EEF2K: variants seen among roughly 807,000 people sequenced by gnomAD.
EEF2K encodes the protein eukaryotic elongation factor 2 kinase, also known as alternative protein EEF2K.
A neutral mutation model predicts 93.8 loss-of-function variants in EEF2K; 70 were observed. The ratio of observed to expected loss-of-function variants is 0.75; its 90% CI spans 0.62 to 0.91. EEF2K has a LOEUF of 0.91. EEF2K is among the 40% of genes least tolerant of loss of function. The pLI, the probability that EEF2K is intolerant of heterozygous loss-of-function variation, is 0.00. For synonymous variants in EEF2K, 376 were observed against 380.8 expected, an observed-to-expected ratio of 0.99 and a Z score of 0.15; for missense variants, 935 against 972.9, an observed-to-expected ratio of 0.96 and a Z score of 0.52.
intron 1 of EEF2K, among the ~76,000 whole-genome samples, chr16:22,215,697 G>C (rs1415952285): frequency 6.6e-6 from 1 of 152,084 alleles, no homozygotes; most frequent in Non-Finnish European, 1.5e-5. Flanking sequence ...GGCTGAGGCG[G>C]GTGGATCACT....
intron 16 of EEF2K, 108 bp downstream of exon 16, chr16:22,273,858 C>A: frequency 6.7e-7 from 1 of 1,496,648 alleles, no homozygotes; most frequent in African/African-American, 1.4e-5. Context: ...TGCCCCATGA[C>A]CAGTCCAGCA....
At chr16:22,223,172 C>T (rs1182496672) in intron 1 of EEF2K, among the ~76,000 whole-genome samples, 3 of 151,958 alleles carry the variant, frequency 2.0e-5, no homozygotes, top group East Asian at 1.9e-4. Context: ...AAGTTTCATC[C>T]ATATTGTAGT....
chr16:22,252,352 T>C (rs1401209855), intron 6 of EEF2K, among the ~76,000 whole-genome samples: 1 of 152,180 alleles, frequency 6.6e-6, no homozygotes, highest in Non-Finnish European at 1.5e-5. Flanking sequence ...TTGGCGTCAT[T>C]CTCAGGCAGC....
In EEF2K at chr16:22,226,325, C is replaced by CTTTT. The variant is rs935058417; in HGVS notation, c.246+372_246+375dup. On this transcript the variant is annotated intron_variant, in intron 2 of 17. Coordinates refer to ENST00000263026, the MANE Select transcript of EEF2K (RefSeq NM_013302.5). ...CAGGCTGGAGTGCAGAGGTGCTGTT[C>CTTTT]TTTTTTTTTTTTTTTTTTTTTTTTT... Among the ~76,000 whole-genome samples, 89 of 63,598 alleles carry CTTTT rather than the reference C, an allele frequency of 1.4e-3. 1 individual carries two copies. The highest frequency in any genetic ancestry group is 0.012 in the East Asian group (27 of 2,322). The allele number at this position is 63,598 out of a possible 152,430, so 41.7% of individuals were successfully genotyped here.
At chr16:22,281,924 T>G (rs563992966) in intron 17 of EEF2K, among the ~76,000 whole-genome samples, 58 of 152,328 alleles carry the variant, frequency 3.8e-4, no homozygotes, top group African/African-American at 1.3e-3. Flanking sequence ...TGTATTAGTC[T>G]TCTTGGGCTG....
At chr16:22,233,997 G>T (rs566800833) in intron 2 of EEF2K, among the ~76,000 whole-genome samples, 30 of 152,166 alleles carry the variant, frequency 2.0e-4, no homozygotes, top group Non-Finnish European at 3.8e-4. Flanking sequence ...TCCTTGTAGG[G>T]TATGTAGGTT....
intron 1 of EEF2K, among the ~76,000 whole-genome samples, chr16:22,213,091 G>A (rs2046930133): frequency 6.6e-6 from 1 of 151,724 alleles, no homozygotes; most frequent in African/African-American, 2.4e-5. Context: ...ATCAGCCTGG[G>A]TGACATGGTG....
Position 22,284,204 on chromosome 16 carries a change from C to T in EEF2K, c.*208C>T. ...GAGACTCTATAGCTGTCTCTTAGGG[C>T]AGTATTTTGGGGAAGTGGGGCTTGA... is the stretch of plus-strand genomic sequence containing the variant. On this transcript the variant is annotated 3_prime_UTR_variant, in exon 18 of 18. Transcript: ENST00000263026. 1.8e-6 allele frequency: 1 copy of T among 544,662 alleles called. No homozygotes were observed. Among genetic ancestry groups the T allele is most frequent in the Non-Finnish European group, 3.3e-6 (1 of 304,580 alleles). The allele number at this position is 544,662 out of a possible 1,614,324, so 33.7% of individuals were successfully genotyped here.
intron 3 of EEF2K, 92 bp downstream of exon 3, chr16:22,244,822 C>T: frequency 1.5e-6 from 2 of 1,330,314 alleles, no homozygotes; most frequent in Non-Finnish European, 1.1e-6. Context: ...TCTTGGGGGT[C>T]AGGGGAAGGG....
At chr16:22,240,544 C>G (rs1567271056) in intron 2 of EEF2K, among the ~76,000 whole-genome samples, 2 of 152,088 alleles carry the variant, frequency 1.3e-5, no homozygotes, top group Admixed American at 1.3e-4. Context: ...ACTGTTTGTA[C>G]TAGGAAATGT....
At chr16:22,222,477 G>C (rs1331166789) in intron 1 of EEF2K, among the ~76,000 whole-genome samples, 1 of 151,722 alleles carries the variant, frequency 6.6e-6, no homozygotes, top group Non-Finnish European at 1.5e-5. Context: ...CCAAAGTGCT[G>C]GGATTACAGA....
In EEF2K at chr16:22,229,569, G is replaced by A. The variant is rs562876112; in HGVS notation, c.246+3594G>A. Among the ~76,000 whole-genome samples, 6 of 152,188 alleles carry A rather than the reference G, an allele frequency of 3.9e-5. No individual in the cohort carries two copies. The South Asian group carries it at 6.2e-4, about 16-fold the overall frequency. ...ACACAAAAATTAGCCGGGCGTGTTGGTGCCACCTGTGGTCCCAGCTACTCG... is the reference window on the plus strand; with the variant it reads ...ACACAAAAATTAGCCGGGCGTGTTGATGCCACCTGTGGTCCCAGCTACTCG... On this transcript the variant is annotated intron_variant, in intron 2 of 17. Transcript: ENST00000263026.
intron 11 of EEF2K, among the ~76,000 whole-genome samples, chr16:22,262,793 C>G (rs534397369): frequency 6.6e-6 from 1 of 152,176 alleles, no homozygotes; most frequent in Non-Finnish European, 1.5e-5. Context: ...AAGGTCTCAG[C>G]TGGCAAGAAA....
chr16:22,211,918 C>T (rs374631904), intron 1 of EEF2K, among the ~76,000 whole-genome samples: 23 of 151,902 alleles, frequency 1.5e-4, no homozygotes, highest in African/African-American at 4.4e-4. Context: ...ACAAGACACA[C>T]GGCCCCTTTT....
chr16:22,258,420 G>A (rs946616863), intron 9 of EEF2K, 74 bp from the exon 10 acceptor site: 9 of 1,511,014 alleles, frequency 6.0e-6, no homozygotes, highest in Non-Finnish European at 7.3e-6. Context: ...CAGGGTTAGA[G>A]GGAACAACAG....
At position 22,284,054 on chromosome 16, in the gene EEF2K, AAACAAC is replaced by A. The variant is rs367584480; in HGVS notation, c.*68_*73del. ...AACGGGCTAGGAGGAAAGATTAAAA[AAACAAC>A]AACAACAACTTATTTAGTTTGGGGA... On this transcript the variant is annotated 3_prime_UTR_variant, in exon 18 of 18. Coordinates refer to ENST00000263026, the MANE Select transcript of EEF2K (RefSeq NM_013302.5). The A allele has an allele frequency of 7.2e-7, 1 of 1,396,760 alleles. No individual in the cohort carries two copies. Among genetic ancestry groups the A allele is most frequent in the Non-Finnish European group, 9.8e-7 (1 of 1,017,786 alleles). 86.5% of individuals were successfully genotyped at this position (1,396,760 alleles called of 1,614,324 possible).
intron 2 of EEF2K, among the ~76,000 whole-genome samples, chr16:22,232,302 C>T (rs2047123986): frequency 6.6e-6 from 1 of 152,184 alleles, no homozygotes; most frequent in African/African-American, 2.4e-5. Context: ...TCATAACTCA[C>T]TGCAGCCTCT....
chr16:22,232,182 C>G (rs920001900), intron 2 of EEF2K, among the ~76,000 whole-genome samples: 1 of 151,968 alleles, frequency 6.6e-6, no homozygotes, highest in Non-Finnish European at 1.5e-5. Context: ...ATGTCCTGGT[C>G]TATCAAAATT....
rs544854683 is a variant in EEF2K at position 22,227,922 on chromosome 16, C to T, written c.246+1947C>T. Among the ~76,000 whole-genome samples, 9 of 151,340 alleles carry T rather than the reference C, an allele frequency of 5.9e-5. No individual in the cohort carries two copies. The South Asian group carries it at 1.9e-3, about 32-fold the overall frequency. On this transcript the variant is annotated intron_variant, in intron 2 of 17. Coordinates refer to ENST00000263026, the MANE Select transcript of EEF2K (RefSeq NM_013302.5). ...GACCAGCCTGGTCAACATAGGAACA[C>T]CCCATCTTTATTAAAGAAAAAAAAA...
Sources: gnomAD v4.1 joint callset for allele counts (sites outside exome capture counted in the v4.1 genomes callset) on GRCh38, gnomAD v4.1.1 for gene constraint, MANE v1.5 for transcripts, NCBI Gene and HGNC (gene_info 2026-07-23, HGNC 2026-07-21) for gene names.